Variants in VPS13D observed in about 807,000 individuals in gnomAD.
VPS13D encodes vacuolar protein sorting 13 homolog D.
A neutral mutation model predicts 461.9 loss-of-function variants in VPS13D; 187 were observed. That is an observed-to-expected ratio of 0.40 (90% CI 0.36 to 0.46). The LOEUF is 0.46. Among genes scored for constraint, VPS13D ranks in the 20% least tolerant of loss-of-function variants. VPS13D has a pLI of 0.60. For missense variants in VPS13D, 4,711 were observed against 5,364.9 expected (o/e 0.88, Z 3.81); for synonymous variants, 1,951 against 1,986.3 (o/e 0.98, Z 0.47).
At chr1:12,478,287 G>T (rs1030941519) in intron 67 of VPS13D, among the ~76,000 whole-genome samples, 1 of 152,272 alleles carries the variant, frequency 6.6e-6, no homozygotes, top group Non-Finnish European at 1.5e-5. Flanking sequence ...GGCCCAGGCC[G>T]AGGAATGCGG....
chr1:12,354,213 T>C lies in VPS13D; in HGVS notation c.9671T>C (p.Ile3224Thr). 1.2e-6 allele frequency: 2 copies of C among 1,614,072 alleles called. No homozygotes were observed. The highest frequency in any genetic ancestry group is 8.5e-7 in the Non-Finnish European group (1 of 1,179,964). The change falls in exon 47 of 70, where the codon ATT becomes ACT. Residue 3224 changes from isoleucine (I) to threonine (T), a missense_variant. Physicochemically the swap from Ile to Thr is moderately conservative, Grantham distance 89. Transcript: ENST00000620676. Reference sequence around the variant, plus strand: ...CATACAGCTGATACATCCCAGAACATTGAGCTGGGTAAGAATGTAGTCAGA... The same window carrying C: ...CATACAGCTGATACATCCCAGAACACTGAGCTGGGTAAGAATGTAGTCAGA... ...ALHTADTSQN[I>T]ELGVSLENFP...
rs779773059 is a variant in VPS13D, at chr1:12,349,336, G to A, written c.9393G>A (p.Glu3131=). The part of the protein sequence containing the change: ...KTAEISSSKR[E]CHSMDTEKSR... ...CAGAAATTAGTAGCAGTAAACGAGAGTGCCACTCTATGGACACAGAAAAAA... is the reference window on the plus strand; with the variant it reads ...CAGAAATTAGTAGCAGTAAACGAGAATGCCACTCTATGGACACAGAAAAAA... Residue 3131 remains glutamate (E), a synonymous_variant, in exon 46 of 70, where the codon GAG becomes GAA. Transcript: ENST00000620676. The A allele has an allele frequency of 1.2e-6, 2 of 1,613,964 alleles. No homozygotes were observed. The highest frequency in any genetic ancestry group is 2.7e-5 in the African/African-American group (2 of 74,882).
chr1:12,231,287 C>G (rs1477011735), intron 1 of VPS13D, among the ~76,000 whole-genome samples: 2 of 152,238 alleles, frequency 1.3e-5, no homozygotes, highest in Admixed American at 6.5e-5. Flanking sequence ...TCTGGCGGCC[C>G]TTGCTGACAC....
intron 57 of VPS13D, among the ~76,000 whole-genome samples, chr1:12,382,024 C>CCTTTCTTTCTCTTTCTTT (rs1285318372): frequency 1.3e-4 from 18 of 142,268 alleles, no homozygotes; most frequent in African/African-American, 4.7e-4. Flanking sequence ...TTCCTTCCTT[C>CCTTTCTTTCTCTTTCTTT]CTTTCTTTCT....
intron 65 of VPS13D, among the ~76,000 whole-genome samples, chr1:12,450,659 CT>C (rs1295676102): frequency 2.6e-5 from 4 of 152,222 alleles, no homozygotes; most frequent in Admixed American, 2.0e-4. Flanking sequence ...ACAGTGGGCC[CT>C]GCTGCCAGAT....
At chr1:12,278,792 A>T (rs1487451782) in intron 19 of VPS13D, among the ~76,000 whole-genome samples, 1 of 152,246 alleles carries the variant, frequency 6.6e-6, no homozygotes, top group Non-Finnish European at 1.5e-5. Context: ...CTTCTTTAAT[A>T]TTCTGCCATC....
rs1419089450 is a variant in VPS13D at position 12,321,853 on chromosome 1, A to G, written c.7593A>G (p.Ser2531=). The change falls in exon 33 of 70, where the codon TCA becomes TCG. Residue 2531 remains serine (S), a synonymous_variant. Transcript: ENST00000620676. ...GGAATGAGCATGATACAGCTCTTTCAATTGTGGATCCCGTACAAATTCAAA... is the reference window on the plus strand; with the variant it reads ...GGAATGAGCATGATACAGCTCTTTCGATTGTGGATCCCGTACAAATTCAAA... The part of the protein sequence containing the change: ...RLGNEHDTAL[S]IVDPVQIQME... 1.2e-6 allele frequency: 2 copies of G among 1,612,356 alleles called. No homozygotes were observed. Among genetic ancestry groups the G allele is most frequent in the East Asian group, 4.5e-5 (2 of 44,760 alleles).
chr1:12,312,769 A>G (rs1642790376), intron 29 of VPS13D, among the ~76,000 whole-genome samples: 1 of 152,114 alleles, frequency 6.6e-6, no homozygotes, highest in Non-Finnish European at 1.5e-5. Context: ...CCCGCCCCAA[A>G]AAGTTGCAGG....
intron 32 of VPS13D, 117 bp downstream of exon 32, chr1:12,319,747 C>A: frequency 6.9e-7 from 1 of 1,439,132 alleles, no homozygotes; most frequent in Non-Finnish European, 9.4e-7. Flanking sequence ...AATTGGAAGA[C>A]CCTTGCCCTC....
chr1:12,506,550 C>T (rs1347968572), intron 68 of VPS13D, among the ~76,000 whole-genome samples: 1 of 152,246 alleles, frequency 6.6e-6, no homozygotes, highest in African/African-American at 2.4e-5. Context: ...ATGTTTCCCT[C>T]TCCTCTGCCA....
intron 65 of VPS13D, among the ~76,000 whole-genome samples, chr1:12,428,081 A>G (rs1027339638): frequency 6.6e-6 from 1 of 152,236 alleles, no homozygotes; most frequent in African/African-American, 2.4e-5. Context: ...ATTTAAGCTT[A>G]TGTCAGGACA....
At chr1:12,233,684 A>T (rs1640056962) in intron 1 of VPS13D, among the ~76,000 whole-genome samples, 1 of 152,210 alleles carries the variant, frequency 6.6e-6, no homozygotes, top group Non-Finnish European at 1.5e-5. Flanking sequence ...CAGCATCAGA[A>T]TGTAGGTGTT....
At chr1:12,354,605 T>C (rs1189969166) in intron 47 of VPS13D, among the ~76,000 whole-genome samples, 1 of 152,210 alleles carries the variant, frequency 6.6e-6, no homozygotes. Context: ...GAGGAGGCAC[T>C]CAACAGAGCC....
intron 67 of VPS13D, among the ~76,000 whole-genome samples, chr1:12,485,994 C>T (rs1266831938): frequency 6.6e-6 from 1 of 152,180 alleles, no homozygotes; most frequent in African/African-American, 2.4e-5. Context: ...CCAGTCCCCA[C>T]TCAGACATGT....
At chr1:12,369,822 C>T (rs1644091941) in intron 54 of VPS13D, 120 bp downstream of exon 54, 1 of 925,776 alleles carries the variant, frequency 1.1e-6, no homozygotes, top group African/African-American at 1.7e-5. Flanking sequence ...TCATTCTTTA[C>T]CAAACCCTGG....
chr1:12,447,045 C>T (rs758677332), intron 65 of VPS13D, among the ~76,000 whole-genome samples: 5 of 152,146 alleles, frequency 3.3e-5, no homozygotes, highest in African/African-American at 9.7e-5. Context: ...GTCTGAGTTA[C>T]GGATATGGAT....
chr1:12,252,862 TA>T (rs1182256793), intron 6 of VPS13D, among the ~76,000 whole-genome samples: 10 of 134,904 alleles, frequency 7.4e-5, no homozygotes, highest in African/African-American at 1.1e-4. Flanking sequence ...AAAAATAATA[TA>T]AAAAAAAATT....
rs1646047595 is a variant in VPS13D, at chr1:12,502,431, C to T, written c.12795-4422C>T. Among the ~76,000 whole-genome samples the T allele has an allele frequency of 6.6e-6, 1 of 151,998 alleles. No homozygotes were observed. The highest frequency in any genetic ancestry group is 2.1e-4 in the South Asian group (1 of 4,818). On this transcript the variant is annotated intron_variant, in intron 68 of 69. Transcript: ENST00000620676. The surrounding 1 kb of genome is among the most constrained non-coding windows in gnomAD (Gnocchi z 4.3). ...TGAAGAGCAAGGGTTGGAGAAGGAG[C>T]ATCTCCCCAGTGGACGAGCTGAGGT...
At chr1:12,420,214 C>G (rs1644845650) in intron 65 of VPS13D, among the ~76,000 whole-genome samples, 1 of 152,212 alleles carries the variant, frequency 6.6e-6, no homozygotes, top group Admixed American at 6.5e-5. Context: ...ATCTGTGATT[C>G]TGCACGTATG....
Sources: allele counts gnomAD v4.1 joint callset (sites outside exome capture counted in the v4.1 genomes callset), GRCh38; gene constraint gnomAD v4.1.1; non-coding constraint Gnocchi (gnomAD v3.1); transcripts MANE v1.5; gene names NCBI Gene and HGNC (gene_info 2026-07-23, HGNC 2026-07-21).